BAZ2B: variants seen among roughly 807,000 people sequenced by gnomAD.
BAZ2B encodes the protein bromodomain adjacent to zinc finger domain 2B.
Under a neutral mutation model 246.0 loss-of-function variants are expected in BAZ2B, and 91 were observed. The ratio of observed to expected loss-of-function variants is 0.37; its 90% CI spans 0.31 to 0.44. BAZ2B has a LOEUF of 0.44. Among genes scored for constraint, BAZ2B ranks in the 20% least tolerant of loss-of-function variants. The pLI is 1.00. For synonymous variants in BAZ2B, 855 were observed against 860.0 expected (o/e 0.99, Z 0.10); for missense variants, 2,332 against 2,533.7 (o/e 0.92, Z 1.71).
At chr2:159,647,815 G>C in the BAZ2B span, among the ~76,000 whole-genome samples, 2 of 152,074 alleles carry the variant, frequency 1.3e-5, no homozygotes, top group African/African-American at 2.4e-5. Flanking sequence ...AATGATGTGT[G>C]GACTGAAGAG....
chr2:159,454,048 T>C (rs1218724240), intron 3 of BAZ2B, among the ~76,000 whole-genome samples: 1 of 152,178 alleles, frequency 6.6e-6, no homozygotes, highest in Non-Finnish European at 1.5e-5. Context: ...ACCAATGTTT[T>C]AAGTAGATAA....
intron 2 of BAZ2B, among the ~76,000 whole-genome samples, chr2:159,495,990 C>T (rs1235610761): frequency 3.3e-5 from 5 of 151,242 alleles, no homozygotes; most frequent in South Asian, 2.1e-4. Context: ...AGGATGGTCT[C>T]GATCTCCTGA....
At chr2:159,387,256 C>A (rs984229235) in intron 21 of BAZ2B, among the ~76,000 whole-genome samples, 12 of 152,094 alleles carry the variant, frequency 7.9e-5, no homozygotes, top group Non-Finnish European at 1.6e-4. Flanking sequence ...GTATTAGCTT[C>A]AGTATTAAAA....
At chr2:159,462,702 T>TA in intron 3 of BAZ2B, 1 of 1,366,184 alleles carries the variant, frequency 7.3e-7, no homozygotes, top group South Asian at 1.2e-5. Flanking sequence ...ACCTGGGCTG[T>TA]AGGTGGTGTG....
At position 159,358,414 on chromosome 2, in the gene BAZ2B, T is replaced by G. The variant is rs528390405; in HGVS notation, c.4214-8057A>C. On this transcript the variant is annotated intron_variant, in intron 27 of 36. Transcript: ENST00000392783. ...GATCAACACAACAAGAAGAGCTAAC[T>G]ATCCTAAATATGTATGCACCCAATA... Among the ~76,000 whole-genome samples, 6 of 152,340 alleles carry G rather than the reference T, an allele frequency of 3.9e-5. No individual in the cohort carries two copies. The South Asian group carries it at 1.0e-3, about 26-fold the overall frequency.
chr2:159,712,334 C>G, the BAZ2B span: 1 of 152,232 alleles, frequency 6.6e-6, no homozygotes, highest in African/African-American at 2.4e-5. Flanking sequence ...TCGCTGACTC[C>G]CCGGGGGCAG....
chr2:159,632,401 G>A, the BAZ2B span, among the ~76,000 whole-genome samples: 5 of 152,204 alleles, frequency 3.3e-5, no homozygotes, highest in Middle Eastern at 0.01. Flanking sequence ...TTATTAAATA[G>A]TCATTACCAA....
chr2:159,379,695 T>G (rs1277853856), intron 25 of BAZ2B, among the ~76,000 whole-genome samples: 3 of 152,174 alleles, frequency 2.0e-5, no homozygotes, highest in African/African-American at 7.2e-5. Flanking sequence ...AACTAGATAT[T>G]ATTTTCACAC....
the BAZ2B span, among the ~76,000 whole-genome samples, chr2:159,706,397 G>A: frequency 1.3e-5 from 2 of 152,176 alleles, no homozygotes; most frequent in Non-Finnish European, 2.9e-5. Context: ...CTTGGCAGAA[G>A]GAATGCTCAA....
At chr2:159,499,163 C>A (rs1185036905) in intron 2 of BAZ2B, among the ~76,000 whole-genome samples, 3 of 152,040 alleles carry the variant, frequency 2.0e-5, no homozygotes, top group Non-Finnish European at 4.4e-5. Context: ...CTTCCTGATG[C>A]TCTCTCTCAC....
chr2:159,412,080 TA>T, intron 14 of BAZ2B: 1 of 559,654 alleles, frequency 1.8e-6, no homozygotes, highest in Non-Finnish European at 2.3e-6. Flanking sequence ...GTGCAAGCCT[TA>T]AAAGCTTAAC....
chr2:159,669,907 A>G, the BAZ2B span, among the ~76,000 whole-genome samples: 1 of 152,166 alleles, frequency 6.6e-6, no homozygotes, highest in Non-Finnish European at 1.5e-5. Flanking sequence ...AATTTCATTT[A>G]ATAATTTTAT....
chr2:159,441,879 A>G (rs2073465588), intron 6 of BAZ2B, among the ~76,000 whole-genome samples: 1 of 152,198 alleles, frequency 6.6e-6, no homozygotes, highest in South Asian at 2.1e-4. Context: ...CCAATCTGGG[A>G]AAACTTTTCA....
intron 24 of BAZ2B, among the ~76,000 whole-genome samples, chr2:159,383,386 TTCTAAGTATGAAGAA>T (rs770951970): frequency 0.03 from 4,564 of 152,198 alleles, 101 homozygotes; most frequent in East Asian, 0.069. Context: ...AATGACTTTC[TTCTAAGTATGAAGAA>T]TATAAGCTCA....
At chr2:159,640,108 A>G in the BAZ2B span, among the ~76,000 whole-genome samples, 1 of 152,174 alleles carries the variant, frequency 6.6e-6, no homozygotes, top group Non-Finnish European at 1.5e-5. Flanking sequence ...GAAGAGATAC[A>G]GAAGTTCATT....
At chr2:159,637,438 G>A in the BAZ2B span, among the ~76,000 whole-genome samples, 1 of 152,234 alleles carries the variant, frequency 6.6e-6, no homozygotes, top group African/African-American at 2.4e-5. Flanking sequence ...TGTTGGTGGT[G>A]CTGGCCACAA....
intron 34 of BAZ2B, among the ~76,000 whole-genome samples, chr2:159,331,288 C>T (rs1333911381): frequency 6.6e-6 from 1 of 152,134 alleles, no homozygotes; most frequent in Non-Finnish European, 1.5e-5. Flanking sequence ...AGTTGAATGA[C>T]AATAAGTTGA....
chr2:159,488,058 G>T (rs141696799), intron 2 of BAZ2B, among the ~76,000 whole-genome samples: 1 of 151,858 alleles, frequency 6.6e-6, no homozygotes, highest in African/African-American at 2.4e-5. Flanking sequence ...TTAACACAAA[G>T]AATTGGATTT....
Position 159,600,532 on chromosome 2 carries a change from C to T in BAZ2B, c.-46+15710G>A, listed in dbSNP as rs573578586. ...ATTTTTGTGGATATGTGAAAAGAGC[C>T]TTTAAAATCTGAATAACATACATTC... On this transcript the variant is annotated intron_variant, in intron 1 of 36. Transcript: ENST00000392783. 1.1e-3 allele frequency among the ~76,000 whole-genome samples: 169 copies of T among 152,180 alleles called. 1 individual carries two copies. The South Asian group carries it at 0.012, about 11-fold the overall frequency.
Sources: gnomAD v4.1 joint callset for allele counts (sites outside exome capture counted in the v4.1 genomes callset) on GRCh38, gnomAD v4.1.1 for gene constraint, MANE v1.5 for transcripts, NCBI Gene and HGNC (gene_info 2026-07-23, HGNC 2026-07-21) for gene names.